ALK: variants seen among roughly 807,000 people sequenced by gnomAD.
ALK encodes ALK tyrosine kinase receptor.
Under a neutral mutation model 163.1 loss-of-function variants are expected in ALK, and 74 were observed. That is an observed-to-expected ratio of 0.45 (90% CI 0.38 to 0.55). The LOEUF (loss-of-function observed/expected upper bound fraction) is 0.55, where lower values mean the gene tolerates loss of function less well. Ranked by LOEUF, ALK falls within the 20% of genes least tolerant of loss-of-function variation. The pLI is 0.00. For missense variants in ALK, 2,063 were observed against 2,105.3 expected (o/e 0.98, Z 0.39); for synonymous variants, 960 against 843.2 (o/e 1.14, Z -2.40).
chr2:29,820,147 T>C (rs926104296), intron 1 of ALK, among the ~76,000 whole-genome samples: 10 of 152,216 alleles, frequency 6.6e-5, no homozygotes, highest in African/African-American at 2.4e-4. Flanking sequence ...TGACAGTATG[T>C]GACTTACAGG....
chr2:29,882,395 T>C (rs142383587), intron 1 of ALK, among the ~76,000 whole-genome samples: 2 of 152,330 alleles, frequency 1.3e-5, no homozygotes, highest in Non-Finnish European at 2.9e-5. Context: ...AATTTGTTTA[T>C]AAAAACTAGA....
At chr2:29,282,081 C>T (rs1255090353) in intron 9 of ALK, among the ~76,000 whole-genome samples, 5 of 152,154 alleles carry the variant, frequency 3.3e-5, no homozygotes, top group African/African-American at 1.2e-4. Flanking sequence ...GCCAGCTGGG[C>T]ACCATGTCTC....
rs113367001 is a variant in ALK, at chr2:29,571,703, G to A, written c.953-39587C>T. ...ATGCTCTTGGCTCACTGCAACCTCCGTCTCCTGGGTTCAAGCGATTCTTCT... is the reference window on the plus strand; with the variant it reads ...ATGCTCTTGGCTCACTGCAACCTCCATCTCCTGGGTTCAAGCGATTCTTCT... On this transcript the variant is annotated intron_variant, in intron 3 of 28. Transcript: ENST00000389048. 1.2e-3 allele frequency among the ~76,000 whole-genome samples: 170 copies of A among 136,320 alleles called. 2 individuals carry two copies. The highest frequency in any genetic ancestry group is 4.3e-3 in the African/African-American group (151 of 35,298). 89.4% of individuals were successfully genotyped at this position (136,320 alleles called of 152,430 possible).
chr2:29,194,723 G>C lies in ALK; in HGVS notation c.4165-801C>G, dbSNP rs190780592. ...GAGACAAGGTTTCATTCAACATGTT[G>C]GCCAGGCTGGTGTCGAACTCCTGAC... is the stretch of plus-strand genomic sequence containing the variant. On this transcript the variant is annotated intron_variant, in intron 28 of 28. Transcript: ENST00000389048. Among the ~76,000 whole-genome samples the C allele has an allele frequency of 3.0e-5, 4 of 133,316 alleles. No homozygotes were observed. The East Asian group carries it at 8.6e-4, about 29-fold the overall frequency. 87.5% of individuals were successfully genotyped at this position (133,316 alleles called of 152,430 possible). A position where few individuals can be genotyped will look rare whatever the true frequency, so the allele number is the denominator to read the frequency against.
intron 5 of ALK, among the ~76,000 whole-genome samples, chr2:29,363,379 A>T (rs1668426954): frequency 6.6e-6 from 1 of 152,308 alleles, no homozygotes; most frequent in South Asian, 2.1e-4. Flanking sequence ...AGCCTTCTCC[A>T]TGGAGTGGCG....
intron 1 of ALK, among the ~76,000 whole-genome samples, chr2:29,761,108 C>A (rs1320942529): frequency 1.3e-5 from 2 of 152,164 alleles, no homozygotes; most frequent in Non-Finnish European, 2.9e-5. Context: ...AATGCAGAAT[C>A]CAGCAGCTGC....
intron 1 of ALK, among the ~76,000 whole-genome samples, chr2:29,876,777 A>G (rs555619177): frequency 3.3e-5 from 5 of 151,386 alleles, no homozygotes; most frequent in South Asian, 2.1e-4. Flanking sequence ...GATGATGGTG[A>G]TGATGGTGGT....
intron 3 of ALK, among the ~76,000 whole-genome samples, chr2:29,662,204 G>A (rs146234766): frequency 1.8e-3 from 272 of 152,194 alleles, no homozygotes; most frequent in African/African-American, 5.9e-3. Flanking sequence ...GAGCCACCAC[G>A]CCCGGCCTAT....
intron 6 of ALK, among the ~76,000 whole-genome samples, chr2:29,322,954 G>A (rs181858844): frequency 2.7e-4 from 41 of 152,296 alleles, no homozygotes; most frequent in African/African-American, 4.6e-4. Context: ...TGCACAGTAC[G>A]TCACTCCCTC....
At chr2:29,427,106 C>A (rs763385366) in intron 4 of ALK, among the ~76,000 whole-genome samples, 17 of 145,396 alleles carry the variant, frequency 1.2e-4, no homozygotes, top group Non-Finnish European at 2.4e-4. Flanking sequence ...ATTGCTGGGC[C>A]TAAAATAAAT....
At chr2:29,905,358 A>C (rs2148433611) in intron 1 of ALK, among the ~76,000 whole-genome samples, 1 of 152,376 alleles carries the variant, frequency 6.6e-6, no homozygotes, top group East Asian at 1.9e-4. Flanking sequence ...GCACATAAAT[A>C]ATCTCTGGTT....
At chr2:29,357,140 T>C (rs1573276197) in intron 5 of ALK, among the ~76,000 whole-genome samples, 2 of 152,198 alleles carry the variant, frequency 1.3e-5, no homozygotes, top group Admixed American at 6.5e-5. Context: ...GTCTCCAAAA[T>C]TGGGATGAGC....
At chr2:29,720,174 T>C (rs757994080) in intron 1 of ALK, among the ~76,000 whole-genome samples, 53 of 151,878 alleles carry the variant, frequency 3.5e-4, no homozygotes, top group African/African-American at 1.1e-3. Flanking sequence ...CAGATAACTT[T>C]AATATGAATG....
intron 3 of ALK, among the ~76,000 whole-genome samples, chr2:29,633,379 A>T (rs1377267039): frequency 2.0e-5 from 3 of 152,178 alleles, no homozygotes; most frequent in East Asian, 3.9e-4. Flanking sequence ...TAAAAAACAC[A>T]TTGAACTAGA....
At chr2:29,201,138 T>TATGCTCTTCAGGTGTGATAGAGGG (rs1669168816) in intron 26 of ALK, among the ~76,000 whole-genome samples, 1 of 151,046 alleles carries the variant, frequency 6.6e-6, no homozygotes, top group East Asian at 1.9e-4. Context: ...GTGATAGAGG[T>TATGCTCTTCAGGTGTGATAGAGGG]TATGCTCTTA....
intron 1 of ALK, among the ~76,000 whole-genome samples, chr2:29,839,341 G>A (rs999024901): frequency 8.6e-5 from 13 of 151,986 alleles, no homozygotes; most frequent in Admixed American, 1.3e-4. Context: ...TAGAGATGCC[G>A]GATGACTGGC....
At chr2:29,197,288 G>A (rs1449744492) in intron 27 of ALK, among the ~76,000 whole-genome samples, 1 of 152,114 alleles carries the variant, frequency 6.6e-6, no homozygotes, top group Non-Finnish European at 1.5e-5. Context: ...AGGAGCTTGG[G>A]GAATGTAGGC....
At chr2:29,639,995 A>T (rs897217962) in intron 3 of ALK, among the ~76,000 whole-genome samples, 8 of 152,186 alleles carry the variant, frequency 5.3e-5, no homozygotes, top group Non-Finnish European at 4.4e-5. Flanking sequence ...AACATATTTT[A>T]ATCACTTAAA....
chr2:29,585,987 T>C (rs1674875887), intron 3 of ALK, among the ~76,000 whole-genome samples: 1 of 152,204 alleles, frequency 6.6e-6, no homozygotes, highest in South Asian at 2.1e-4. Flanking sequence ...TGCTTTACAG[T>C]TGTAAAATAT....
Sources: gnomAD v4.1 joint callset for allele counts (sites outside exome capture counted in the v4.1 genomes callset) on GRCh38, gnomAD v4.1.1 for gene constraint, MANE v1.5 for transcripts, NCBI Gene and HGNC (gene_info 2026-07-23, HGNC 2026-07-21) for gene names.